CC2D2A: variants seen among roughly 807,000 people sequenced by gnomAD.
The protein encoded by CC2D2A is coiled-coil and C2 domain containing 2A.
Under a neutral mutation model 212.9 loss-of-function variants are expected in CC2D2A, and 155 were observed. The ratio of observed to expected loss-of-function variants is 0.73; its 90% confidence interval spans 0.64 to 0.83. The LOEUF is 0.83. Ranked by LOEUF, CC2D2A falls within the 40% of genes least tolerant of loss-of-function variation. The probability of loss-of-function intolerance (pLI) is 0.00; values close to 1 mark genes in which losing one functional copy is unlikely to be tolerated. For missense variants in CC2D2A, 1,856 were observed against 1,956.2 expected (o/e 0.95, Z 0.97); for synonymous variants, 667 against 686.5 (o/e 0.97, Z 0.44).
intron 6 of CC2D2A, among the ~76,000 whole-genome samples, chr4:15,509,756 T>C (rs1360462350): frequency 6.6e-6 from 1 of 152,172 alleles, no homozygotes; most frequent in Non-Finnish European, 1.5e-5. Flanking sequence ...GTGAACCCAT[T>C]GTGTGAAGGT....
chr4:15,472,363 G>A (rs1328786358), intron 1 of CC2D2A, among the ~76,000 whole-genome samples: 1 of 152,172 alleles, frequency 6.6e-6, no homozygotes, highest in Admixed American at 6.5e-5. Context: ...GATGTTGCCA[G>A]TAGGAATATA....
chr4:15,546,030 A>G (rs191428504), intron 17 of CC2D2A, among the ~76,000 whole-genome samples: 9 of 152,158 alleles, frequency 5.9e-5, no homozygotes, highest in Admixed American at 5.9e-4. Flanking sequence ...GGATTGCTTA[A>G]GCCTGGGAGT....
At chr4:15,509,877 T>C (rs1351484713) in intron 6 of CC2D2A, among the ~76,000 whole-genome samples, 1 of 152,242 alleles carries the variant, frequency 6.6e-6, no homozygotes, top group Non-Finnish European at 1.5e-5. Flanking sequence ...AAGTATTTTT[T>C]TATGTAAACA....
At chr4:15,501,611 G>T (rs1409812514) in intron 4 of CC2D2A, among the ~76,000 whole-genome samples, 3 of 152,128 alleles carry the variant, frequency 2.0e-5, no homozygotes, top group Non-Finnish European at 4.4e-5. Context: ...GTTCCCCAAA[G>T]ACTCCATTTT....
At chr4:15,559,794 A>T (rs1719479163) in intron 22 of CC2D2A, among the ~76,000 whole-genome samples, 1 of 151,924 alleles carries the variant, frequency 6.6e-6, no homozygotes, top group East Asian at 1.9e-4. Flanking sequence ...AAAATGAATT[A>T]TTTAAGAGGT....
intron 11 of CC2D2A, 82 bp from the exon 12 acceptor site, chr4:15,527,365 C>T (rs769372884): frequency 1.8e-4 from 183 of 1,023,168 alleles, no homozygotes; most frequent in Non-Finnish European, 2.6e-4. Flanking sequence ...TGCATCTGAC[C>T]GTTTTCCCAT....
intron 36 of CC2D2A, among the ~76,000 whole-genome samples, chr4:15,600,913 A>AT (rs1553845789): frequency 6.8e-6 from 1 of 147,324 alleles, no homozygotes; most frequent in Non-Finnish European, 1.5e-5. Flanking sequence ...CAAAAAAAAA[A>AT]AAAAAAAAGA....
At chr4:15,482,129 G>T (rs923597780) in intron 4 of CC2D2A, 82 of 985,230 alleles carry the variant, frequency 8.3e-5, no homozygotes, top group Non-Finnish European at 9.6e-5. Context: ...GGCAAAGTTG[G>T]GAAATAAGTA....
At chr4:15,566,556 C>G (rs896109611) in intron 24 of CC2D2A, among the ~76,000 whole-genome samples, 4 of 152,088 alleles carry the variant, frequency 2.6e-5, no homozygotes, top group African/African-American at 9.7e-5. Context: ...GGGGAAGGCT[C>G]TAGCAATCTC....
chr4:15,474,795 GAGAACTGATC>G (rs1195403125), intron 1 of CC2D2A, among the ~76,000 whole-genome samples: 1 of 152,174 alleles, frequency 6.6e-6, no homozygotes, highest in Non-Finnish European at 1.5e-5. Context: ...GATGAGGGCC[GAGAACTGATC>G]ACTGGACATG....
intron 21 of CC2D2A, among the ~76,000 whole-genome samples, chr4:15,558,484 T>C (rs1719401171): frequency 6.6e-6 from 1 of 152,142 alleles, no homozygotes; most frequent in South Asian, 2.1e-4. Flanking sequence ...CCATCCTCTC[T>C]AGGCTTCTTT....
intron 18 of CC2D2A, among the ~76,000 whole-genome samples, chr4:15,551,524 C>G (rs921980439): frequency 6.6e-6 from 1 of 152,090 alleles, no homozygotes. Context: ...ATTTGTCCTC[C>G]AAGCCATGAA....
In CC2D2A at chr4:15,500,343, T is replaced by C. The variant is rs193101751; in HGVS notation, c.248-2086T>C. On this transcript the variant is annotated intron_variant, in intron 4 of 36. Coordinates refer to ENST00000424120, the MANE Select transcript of CC2D2A (RefSeq NM_001378615.1). ...TACATAACTGTATATAAATTCAAAA[T>C]GTGACAGATGAAGGAAGTCTCAGGA... Among the ~76,000 whole-genome samples the C allele has an allele frequency of 3.5e-3, 526 of 152,128 alleles. 2 individuals are homozygous for C. The highest frequency in any genetic ancestry group is 0.012 in the African/African-American group (495 of 41,480).
chr4:15,574,389 G>C, intron 29 of CC2D2A, 63 bp downstream of exon 29: 1 of 1,305,536 alleles, frequency 7.7e-7, no homozygotes, highest in Non-Finnish European at 1.0e-6. Flanking sequence ...TGCTTGCTAG[G>C]CTATACTTTT....
chr4:15,478,945 G>C, intron 3 of CC2D2A, 139 bp downstream of exon 3: 1 of 727,348 alleles, frequency 1.4e-6, no homozygotes, highest in Non-Finnish European at 2.4e-6. Context: ...GGGGCTGTGA[G>C]GCGGGGATGC....
intron 11 of CC2D2A, among the ~76,000 whole-genome samples, chr4:15,526,964 T>C (rs1717540497): frequency 6.6e-6 from 1 of 152,172 alleles, no homozygotes; most frequent in Admixed American, 6.5e-5. Context: ...AGCATGATGC[T>C]CAGTTAGGTA....
At chr4:15,585,431 C>A (rs1720820452) in intron 30 of CC2D2A, among the ~76,000 whole-genome samples, 2 of 152,024 alleles carry the variant, frequency 1.3e-5, no homozygotes, top group Admixed American at 6.6e-5. Flanking sequence ...TATGTGGAAA[C>A]TAAAAGTTTA....
chr4:15,489,297 A>G (rs1045148777), intron 4 of CC2D2A, among the ~76,000 whole-genome samples: 1 of 152,146 alleles, frequency 6.6e-6, no homozygotes, highest in African/African-American at 2.4e-5. Flanking sequence ...AAAGCACAGC[A>G]TGAGACATAG....
intron 29 of CC2D2A, among the ~76,000 whole-genome samples, chr4:15,577,567 A>G (rs1179864381): frequency 2.6e-5 from 4 of 152,186 alleles, no homozygotes; most frequent in Non-Finnish European, 5.9e-5. Flanking sequence ...GGTGGCCTAG[A>G]CAAGTATTAA....
Sources: allele counts gnomAD v4.1 joint callset (sites outside exome capture counted in the v4.1 genomes callset), GRCh38; gene constraint gnomAD v4.1.1; transcripts MANE v1.5; gene names NCBI Gene and HGNC (gene_info 2026-07-23, HGNC 2026-07-21).